Variants in CDKL2 observed in about 807,000 individuals in gnomAD.
CDKL2 encodes cyclin-dependent kinase-like 2.
A neutral mutation model predicts 63.9 loss-of-function variants in CDKL2; 64 were observed. The observed-to-expected ratio is 1.00, with a 90% confidence interval of 0.82 to 1.23. The LOEUF (loss-of-function observed/expected upper bound fraction) is 1.23, where lower values mean the gene tolerates loss of function less well. CDKL2 is among the 50% of genes most tolerant of loss of function. The pLI is 0.00. For synonymous variants in CDKL2, 211 were observed against 229.2 expected (o/e 0.92, Z 0.72); for missense variants, 656 against 668.0 (o/e 0.98, Z 0.20).
In CDKL2 at chr4:75,605,635, C is replaced by T; in HGVS notation, c.543-1G>A. ...ACCAATGGCCCACACATCAACAGCC[C>T]TGAAAGAAAAGCAATGTGGTGTAAA... On this transcript the variant is annotated splice_acceptor_variant, in intron 4 of 13. Coordinates refer to ENST00000307465, the MANE Select transcript of CDKL2 (RefSeq NM_001330724.2). LOFTEE classifies it high-confidence loss of function. 5.0e-6 allele frequency: 8 copies of T among 1,605,784 alleles called. No individual in the cohort carries two copies. Among genetic ancestry groups the T allele is most frequent in the Non-Finnish European group, 6.8e-6 (8 of 1,172,708 alleles).
At chr4:75,581,992 T>G in intron 12 of CDKL2, 94 bp from the exon 13 acceptor site, 11 of 784,908 alleles carry the variant, frequency 1.4e-5, no homozygotes, top group Non-Finnish European at 4.4e-6. Context: ...ATATTAGATG[T>G]TTATAATTAA....
chr4:75,611,652 C>T (rs936333763), intron 3 of CDKL2, among the ~76,000 whole-genome samples: 13 of 149,132 alleles, frequency 8.7e-5, no homozygotes, highest in Non-Finnish European at 8.9e-5. Flanking sequence ...CAGGGAACCA[C>T]CTTTTTTTTT....
intron 3 of CDKL2, among the ~76,000 whole-genome samples, chr4:75,612,705 T>A (rs7690734): frequency 0.25 from 37,625 of 152,178 alleles, 4,958 homozygotes; most frequent in Middle Eastern, 0.36. Context: ...TTATTCTACT[T>A]TATATATTTC....
intron 1 of CDKL2, 104 bp downstream of exon 1, chr4:75,629,938 C>CAAAAAA (rs747587721): frequency 4.2e-4 from 31 of 74,198 alleles, no homozygotes; most frequent in South Asian, 8.5e-4. Context: ...AACTCCGTCT[C>CAAAAAA]AAAAAAAAAA....
intron 3 of CDKL2, among the ~76,000 whole-genome samples, chr4:75,611,842 C>T (rs567962440): frequency 4.9e-4 from 75 of 151,816 alleles, no homozygotes; most frequent in African/African-American, 1.7e-3. Flanking sequence ...TTAGTAGAGA[C>T]GGGGTTTCAC....
chr4:75,600,506 A>G (rs1729140230), intron 6 of CDKL2, 137 bp from the exon 7 acceptor site: 1 of 633,764 alleles, frequency 1.6e-6, no homozygotes, highest in Non-Finnish European at 2.8e-6. Context: ...TGCCCAGGCT[A>G]GAGTGCAGTG....
At chr4:75,589,017 A>C (rs7679608) in intron 12 of CDKL2, among the ~76,000 whole-genome samples, 35,626 of 152,170 alleles carry the variant, frequency 0.23, 4,581 homozygotes, top group Middle Eastern at 0.36. Flanking sequence ...GTGAAAACAA[A>C]CAACCATTAA....
intron 3 of CDKL2, among the ~76,000 whole-genome samples, chr4:75,612,884 G>A (rs1213860896): frequency 1.3e-5 from 2 of 152,192 alleles, no homozygotes; most frequent in African/African-American, 4.8e-5. Context: ...CAGTACTTTG[G>A]GAGGCCAAGG....
rs200357700 is a variant in CDKL2, at chr4:75,603,788, C to G, written c.795+29G>C. The G allele has an allele frequency of 2.4e-4, 337 of 1,395,994 alleles. 2 individuals are homozygous for G. The African/African-American group carries it at 4.8e-3, about 20-fold the overall frequency. The allele number at this position is 1,395,994 out of a possible 1,614,324, so 86.5% of individuals were successfully genotyped here. On this transcript the variant is annotated intron_variant, in intron 6 of 13. Coordinates refer to ENST00000307465, the MANE Select transcript of CDKL2 (RefSeq NM_001330724.2). Reference sequence around the variant, plus strand: ...TCTTGATAGTGCATAAATTCCCTGTCATAAAGTGTAAACAATAAGTATGAT... The same window carrying G: ...TCTTGATAGTGCATAAATTCCCTGTGATAAAGTGTAAACAATAAGTATGAT...
intron 6 of CDKL2, among the ~76,000 whole-genome samples, chr4:75,603,236 A>G (rs867059570): frequency 7.2e-6 from 1 of 139,766 alleles, no homozygotes; most frequent in Non-Finnish European, 1.6e-5. Context: ...TCCTGACCTC[A>G]TGATCCACCC....
intron 12 of CDKL2, among the ~76,000 whole-genome samples, chr4:75,586,572 T>TA (rs1198787056): frequency 6.6e-6 from 1 of 151,906 alleles, no homozygotes. Context: ...ATATCTTTTT[T>TA]AAAAAAAGGA....
At chr4:75,607,132 T>C (rs1381321826) in intron 4 of CDKL2, 51 bp downstream of exon 4, 2 of 1,421,992 alleles carry the variant, frequency 1.4e-6, no homozygotes, top group Non-Finnish European at 1.9e-6. Flanking sequence ...TATTCCACTA[T>C]AGCAAGAAGC....
intron 3 of CDKL2, among the ~76,000 whole-genome samples, chr4:75,609,975 G>A (rs908737169): frequency 7.2e-5 from 11 of 151,750 alleles, no homozygotes; most frequent in African/African-American, 1.7e-4. Flanking sequence ...AGACCGAGGC[G>A]GGTGGATCAC....
At chr4:75,600,458 T>G in intron 6 of CDKL2, 89 bp from the exon 7 acceptor site, 2 of 862,748 alleles carry the variant, frequency 2.3e-6, no homozygotes, top group Non-Finnish European at 3.6e-6. Flanking sequence ...CTCTTTATAG[T>G]CAACGATTTT....
At chr4:75,613,124 C>CAAA (rs143485625) in intron 3 of CDKL2, among the ~76,000 whole-genome samples, 1 of 142,302 alleles carries the variant, frequency 7.0e-6, no homozygotes, top group Admixed American at 7.1e-5. Context: ...GACTCCGTTT[C>CAAA]AAAAAAAAAT....
chr4:75,617,340 GCTTA>G (rs1223727789), intron 2 of CDKL2, among the ~76,000 whole-genome samples: 1 of 152,094 alleles, frequency 6.6e-6, no homozygotes, highest in Non-Finnish European at 1.5e-5. Context: ...CTTACACAAT[GCTTA>G]CTATGTTCCA....
intron 2 of CDKL2, among the ~76,000 whole-genome samples, chr4:75,622,662 G>A (rs1326897969): frequency 3.2e-5 from 4 of 124,608 alleles, no homozygotes; most frequent in Non-Finnish European, 3.1e-5. Flanking sequence ...AAGTTGCAGC[G>A]AGACGAGATT....
At chr4:75,618,723 A>G (rs1250200763) in intron 2 of CDKL2, among the ~76,000 whole-genome samples, 2 of 152,206 alleles carry the variant, frequency 1.3e-5, no homozygotes, top group Non-Finnish European at 2.9e-5. Flanking sequence ...TGTGGAAATG[A>G]GCTTTGATTT....
intron 10 of CDKL2, chr4:75,596,029 G>A (rs550656180): frequency 8.2e-4 from 39 of 47,616 alleles, no homozygotes; most frequent in Non-Finnish European, 1.3e-3. Context: ...AGGAAGGAAG[G>A]AAGAAAGGAA....
Sources: gnomAD v4.1 joint callset for allele counts (sites outside exome capture counted in the v4.1 genomes callset) on GRCh38, gnomAD v4.1.1 for gene constraint, MANE v1.5 for transcripts, NCBI Gene and HGNC (gene_info 2026-07-23, HGNC 2026-07-21) for gene names.